Variants in EPB41L3 observed in about 807,000 individuals in gnomAD.
The protein encoded by EPB41L3 is band 4.1-like protein 3.
A neutral mutation model predicts 127.1 loss-of-function variants in EPB41L3; 57 were observed. That is an observed-to-expected ratio of 0.45 (90% CI 0.36 to 0.56). The LOEUF is 0.56. Ranked by LOEUF, EPB41L3 falls within the 20% of genes least tolerant of loss-of-function variation. The probability of loss-of-function intolerance (pLI) is 0.00; values close to 1 mark genes in which losing one functional copy is unlikely to be tolerated. For missense variants in EPB41L3, 1,273 were observed against 1,372.2 expected (o/e 0.93, Z 1.14); for synonymous variants, 572 against 549.5 (o/e 1.04, Z -0.57).
intron 8 of EPB41L3, chr18:5,429,340 G>A (rs570187116): frequency 6.6e-5 from 10 of 152,186 alleles, no homozygotes; most frequent in East Asian, 1.9e-4. Context: ...CATCAGAGAC[G>A]TTGTATCAAG....
At position 5,397,281 on chromosome 18, in the gene EPB41L3, G is replaced by A. The variant is rs758061983; in HGVS notation, c.2618C>T (p.Ser873Leu). The A allele has an allele frequency of 1.1e-5, 17 of 1,613,938 alleles. No homozygotes were observed. Among genetic ancestry groups the A allele is most frequent in the Non-Finnish European group, 1.4e-5 (16 of 1,180,046 alleles). ...VVHASGDASYSAGDSGDAAAQ... is the reference protein window; with the variant it reads ...VVHASGDASYLAGDSGDAAAQ... ...TGCAGCATCCCCGCTGTCTCCCGCC[G>A]AGTAAGAAGCATCCCCACTCGCGTG... The change falls in exon 18 of 23, where the codon TCG becomes TTG. Residue 873 changes from serine (S) to leucine (L), a missense_variant. Physicochemically the swap from Ser to Leu is moderately radical, Grantham distance 145. Around this residue, in one of 3 missense-constraint regions of EPB41L3, gnomAD observed 765 missense variants for 782.9 expected, o/e 0.98. Coordinates refer to ENST00000341928, the MANE Select transcript of EPB41L3 (RefSeq NM_012307.5). This position sits in a 1 kb window ranked among gnomAD's most constrained non-coding sequence, Gnocchi z 4.1.
intron 1 of EPB41L3, among the ~76,000 whole-genome samples, chr18:5,503,628 C>T (rs1040125656): frequency 1.3e-5 from 2 of 152,204 alleles, no homozygotes; most frequent in African/African-American, 4.8e-5. Flanking sequence ...CCCCTCTCCA[C>T]CTCAAAGCTA....
At chr18:5,470,737 T>C (rs1412369869) in intron 3 of EPB41L3, among the ~76,000 whole-genome samples, 1 of 152,214 alleles carries the variant, frequency 6.6e-6, no homozygotes, top group Non-Finnish European at 1.5e-5. Flanking sequence ...GTGTACCTGA[T>C]AGAAACTACA....
intron 3 of EPB41L3, among the ~76,000 whole-genome samples, chr18:5,584,741 C>A (rs2094427442): frequency 6.6e-6 from 1 of 152,190 alleles, no homozygotes; most frequent in Non-Finnish European, 1.5e-5. Context: ...AATTTTACCA[C>A]TATAATCAAC....
chr18:5,454,099 A>C (rs1599142320), intron 3 of EPB41L3, among the ~76,000 whole-genome samples: 1 of 152,122 alleles, frequency 6.6e-6, no homozygotes, highest in Non-Finnish European at 1.5e-5. Context: ...GACTCTGTGT[A>C]AGTCACCTTT....
chr18:5,620,027 C>A (rs2144205329), intron 1 of EPB41L3, among the ~76,000 whole-genome samples: 1 of 152,072 alleles, frequency 6.6e-6, no homozygotes, highest in African/African-American at 2.4e-5. Flanking sequence ...TTTTCCATAG[C>A]AAAACCTGTG....
chr18:5,422,129 T>G (rs2077551087), intron 11 of EPB41L3, among the ~76,000 whole-genome samples: 1 of 151,934 alleles, frequency 6.6e-6, no homozygotes, highest in Admixed American at 6.5e-5. Flanking sequence ...AAAACAGACC[T>G]GGAGAGCTGA....
rs963010168 is a variant in EPB41L3 at position 5,428,312 on chromosome 18, C to A, written c.1065+1G>T. 6.2e-7 allele frequency: 1 copy of A among 1,614,096 alleles called. No individual in the cohort carries two copies. The highest frequency in any genetic ancestry group is 1.3e-5 in the African/African-American group (1 of 75,042). On this transcript the variant is annotated splice_donor_variant, in intron 9 of 22. Coordinates refer to ENST00000341928, the MANE Select transcript of EPB41L3 (RefSeq NM_012307.5). LOFTEE classifies it high-confidence loss of function. The stretch of plus-strand genomic sequence containing the variant: ...GCACAGGCAAATGTGGGTATACTTA[C>A]CTCTCCCGGCCGGATCTTAATGTAA...
intron 6 of EPB41L3, among the ~76,000 whole-genome samples, chr18:5,437,566 CTTCT>C (rs1275100305): frequency 6.6e-6 from 1 of 152,156 alleles, no homozygotes; most frequent in African/African-American, 2.4e-5. Context: ...TGCTTAATAT[CTTCT>C]TTCTAGAAAA....
chr18:5,439,179 A>T (rs1488513508), intron 5 of EPB41L3, among the ~76,000 whole-genome samples: 1 of 151,944 alleles, frequency 6.6e-6, no homozygotes, highest in Non-Finnish European at 1.5e-5. Flanking sequence ...AATTCCTCCC[A>T]GTCCCCCAGG....
chr18:5,627,232 T>C (rs1040133275), intron 1 of EPB41L3, among the ~76,000 whole-genome samples: 2 of 152,162 alleles, frequency 1.3e-5, no homozygotes, highest in Non-Finnish European at 2.9e-5. Context: ...AGCCTCAAAA[T>C]CATAACGCTT....
rs2073453878 is a variant in EPB41L3, at chr18:5,396,330, G to C, written c.2844C>G (p.Ser948=). Residue 948 remains serine, a splice_region_variant and synonymous_variant, in exon 19 of 23, where the codon TCC becomes TCG. Transcript: ENST00000341928. ...TGATGGTTTCCGTCTTCACCGTTGA[G>C]GACTGTGCCAAAGGGGAGTAAGCAG... ...ETLEQKPHFE[S]STVKTETISF... 6.2e-7 allele frequency: 1 copy of C among 1,613,908 alleles called. No individual in the cohort carries two copies. Among genetic ancestry groups the C allele is most frequent in the African/African-American group, 1.3e-5 (1 of 74,882 alleles).
intron 1 of EPB41L3, among the ~76,000 whole-genome samples, chr18:5,529,926 A>ATGTGTGTGTG (rs762060217): frequency 6.6e-5 from 6 of 91,506 alleles, no homozygotes; most frequent in Admixed American, 1.3e-4. Context: ...ATCAACTCAT[A>ATGTGTGTGTG]TATGTGTGTG....
At chr18:5,446,699 CA>C (rs2146392868) in intron 3 of EPB41L3, among the ~76,000 whole-genome samples, 1 of 152,144 alleles carries the variant, frequency 6.6e-6, no homozygotes, top group Non-Finnish European at 1.5e-5. Context: ...GGAGAAAAGG[CA>C]AATTTATGGT....
intron 3 of EPB41L3, among the ~76,000 whole-genome samples, chr18:5,561,844 C>T (rs187507420): frequency 1.3e-4 from 20 of 152,286 alleles, no homozygotes; most frequent in Non-Finnish European, 1.9e-4. Context: ...CATGTGCCCC[C>T]GATATGACAG....
At chr18:5,547,600 C>T (rs948532001), upstream of EPB41L3, among the ~76,000 whole-genome samples, 2 of 152,166 alleles carry the variant, frequency 1.3e-5, no homozygotes, top group East Asian at 1.9e-4. Flanking sequence ...TAATTTATAT[C>T]ACTGAAGGTC....
chr18:5,522,279 G>T (rs564358217), intron 1 of EPB41L3, among the ~76,000 whole-genome samples: 34 of 142,306 alleles, frequency 2.4e-4, no homozygotes, highest in Non-Finnish European at 3.1e-4. Context: ...AAATTTTTTT[G>T]TTTGTTTGTT....
intron 6 of EPB41L3, among the ~76,000 whole-genome samples, chr18:5,435,569 T>C (rs2079648073): frequency 6.6e-6 from 1 of 152,252 alleles, no homozygotes; most frequent in Admixed American, 6.5e-5. Flanking sequence ...GGCTTTATCC[T>C]AGAGCCTAGA....
chr18:5,477,537 T>C (rs561725326), intron 3 of EPB41L3, among the ~76,000 whole-genome samples: 25 of 152,302 alleles, frequency 1.6e-4, no homozygotes, highest in African/African-American at 5.1e-4. Flanking sequence ...GACCTGCTCA[T>C]AGAGCCTGAA....
Sources: allele counts gnomAD v4.1 joint callset (sites outside exome capture counted in the v4.1 genomes callset), GRCh38; gene constraint gnomAD v4.1.1; regional missense constraint gnomAD v4.1.1; non-coding constraint Gnocchi (gnomAD v3.1); transcripts MANE v1.5; gene names NCBI Gene and HGNC (gene_info 2026-07-23, HGNC 2026-07-21).